CERS3: variants seen among roughly 807,000 people sequenced by gnomAD.
CERS3 encodes the protein LAG1 homolog, ceramide synthase 3.
CERS3 carries 33 observed loss-of-function variants against 50.3 expected under a neutral mutation model. The ratio of observed to expected loss-of-function variants is 0.66; its 90% CI spans 0.50 to 0.88. CERS3 has a LOEUF of 0.88. Among genes scored for constraint, CERS3 ranks in the 40% least tolerant of loss-of-function variants. CERS3 has a pLI of 0.00. For synonymous variants in CERS3, 176 were observed against 155.2 expected, an observed-to-expected ratio of 1.13 and a Z score of -0.99; for missense variants, 470 against 460.3, an observed-to-expected ratio of 1.02 and a Z score of -0.19.
intron 11 of CERS3, among the ~76,000 whole-genome samples, chr15:100,411,154 G>A (rs1221340415): frequency 5.3e-5 from 8 of 151,930 alleles, no homozygotes; most frequent in East Asian, 1.9e-4. Context: ...AATTTCCTTC[G>A]TTTTGTTTTC....
chr15:100,436,451 A>G (rs1324754521), intron 11 of CERS3, among the ~76,000 whole-genome samples: 2 of 152,168 alleles, frequency 1.3e-5, no homozygotes, highest in African/African-American at 2.4e-5. Context: ...GGAGGGGAAC[A>G]TCACACACCG....
At chr15:100,544,026 C>CAGTGG (rs1316041912) in intron 1 of CERS3, 1 of 152,222 alleles carries the variant, frequency 6.6e-6, no homozygotes. Context: ...GGGGTGGTGG[C>CAGTGG]AGTGGAATCA....
intron 1 of CERS3, among the ~76,000 whole-genome samples, chr15:100,543,319 C>CAACCTAACT (rs2037246431): frequency 6.6e-6 from 1 of 152,024 alleles, no homozygotes; most frequent in Non-Finnish European, 1.5e-5. Context: ...CTGCCCAAAC[C>CAACCTAACT]AACCTAACTG....
chr15:100,451,492 A>T (rs2034165908), intron 11 of CERS3, among the ~76,000 whole-genome samples: 1 of 152,214 alleles, frequency 6.6e-6, no homozygotes, highest in Non-Finnish European at 1.5e-5. Flanking sequence ...TCACAAGGTC[A>T]GGAGATTGAG....
upstream of CERS3, among the ~76,000 whole-genome samples, chr15:100,530,005 C>T (rs8027020): frequency 2.6e-5 from 4 of 152,228 alleles, no homozygotes; most frequent in South Asian, 4.1e-4. Flanking sequence ...GATTGATAAA[C>T]GCCCTTCCTT....
intron 11 of CERS3, among the ~76,000 whole-genome samples, chr15:100,444,416 C>T (rs989328634): frequency 3.9e-5 from 6 of 152,096 alleles, no homozygotes; most frequent in African/African-American, 1.4e-4. Flanking sequence ...CTCTGATCCA[C>T]CTGACGTTCA....
At chr15:100,441,005 A>C (rs1453277859) in intron 11 of CERS3, among the ~76,000 whole-genome samples, 3 of 152,278 alleles carry the variant, frequency 2.0e-5, no homozygotes, top group African/African-American at 4.8e-5. Flanking sequence ...TTATTCACCC[A>C]TGTTTCAAAG....
intron 11 of CERS3, among the ~76,000 whole-genome samples, chr15:100,443,083 CCTGA>C (rs1357606983): frequency 6.6e-6 from 1 of 152,004 alleles, no homozygotes; most frequent in East Asian, 1.9e-4. Context: ...TATCTGCTTC[CCTGA>C]CTATTCCTGG....
At chr15:100,504,845 C>G (rs2036130249) in intron 2 of CERS3, among the ~76,000 whole-genome samples, 1 of 152,176 alleles carries the variant, frequency 6.6e-6, no homozygotes, top group African/African-American at 2.4e-5. Context: ...GCTTGGTTGC[C>G]TGAACCATCT....
At chr15:100,520,739 C>T (rs956307595) in intron 2 of CERS3, among the ~76,000 whole-genome samples, 2 of 151,978 alleles carry the variant, frequency 1.3e-5, no homozygotes, top group African/African-American at 4.8e-5. Context: ...GGATGGGAGC[C>T]CCTTCTGCCT....
intron 11 of CERS3, among the ~76,000 whole-genome samples, chr15:100,450,096 G>T (rs976524217): frequency 1.3e-5 from 2 of 151,978 alleles, no homozygotes; most frequent in Admixed American, 6.6e-5. Flanking sequence ...TCATTTGAAT[G>T]AAATACAAAA....
At position 100,469,435 on chromosome 15, in the gene CERS3, A is replaced by G. The variant is rs1205562769; in HGVS notation, c.788T>C (p.Leu263Pro). The G allele has an allele frequency of 1.2e-6, 2 of 1,614,134 alleles. No homozygotes were observed. Among genetic ancestry groups the G allele is most frequent in the Non-Finnish European group, 1.7e-6 (2 of 1,179,966 alleles). The change falls in exon 10 of 12, where the codon CTG (leucine) becomes CCG (proline). Residue 263 changes from leucine to proline, a missense_variant. Physicochemically the swap from Leu to Pro is moderately conservative, Grantham distance 98 (BLOSUM62 -3). Transcript: ENST00000679737. ...AAATATGGTGGAGAAGATGAAAAAC[A>G]GGGTGTTACAGGTCTGCGTCCATCC... is the stretch of plus-strand genomic sequence containing the variant. ...YAGWTQTCNT[L>P]FFIFSTIFFI...
At chr15:100,409,269 C>A (rs1004512036) in intron 11 of CERS3, among the ~76,000 whole-genome samples, 7 of 152,058 alleles carry the variant, frequency 4.6e-5, no homozygotes, top group African/African-American at 1.7e-4. Context: ...ATGATTGTTT[C>A]CTAGGTGAGA....
At chr15:100,465,659 CTT>C (rs574991706) in intron 10 of CERS3, among the ~76,000 whole-genome samples, 30 of 140,774 alleles carry the variant, frequency 2.1e-4, no homozygotes, top group Admixed American at 3.6e-4. Context: ...TTGTTTTGAA[CTT>C]TTTTTTTTTT....
chr15:100,501,354 G>A (rs895058667), intron 3 of CERS3, among the ~76,000 whole-genome samples: 17 of 152,190 alleles, frequency 1.1e-4, no homozygotes, highest in Non-Finnish European at 1.9e-4. Context: ...GTCAGACACC[G>A]TGGAAGAGTA....
chr15:100,456,165 A>C, intron 10 of CERS3, 119 bp from the exon 11 acceptor site: 1 of 606,158 alleles, frequency 1.6e-6, no homozygotes. Flanking sequence ...AATAAAGCCC[A>C]GAAAATTATC....
intron 11 of CERS3, among the ~76,000 whole-genome samples, chr15:100,443,913 T>G (rs1347682191): frequency 6.6e-6 from 1 of 152,232 alleles, no homozygotes; most frequent in East Asian, 1.9e-4. Flanking sequence ...GAAACGTAGC[T>G]GACCCCAAAG....
At chr15:100,458,585 C>A (rs1415895109) in intron 10 of CERS3, among the ~76,000 whole-genome samples, 16 of 127,708 alleles carry the variant, frequency 1.3e-4, no homozygotes, top group African/African-American at 2.1e-4. Flanking sequence ...GACTCCATCT[C>A]AAAAAAAAAA....
At chr15:100,442,866 C>T (rs1002992897) in intron 11 of CERS3, among the ~76,000 whole-genome samples, 7 of 152,152 alleles carry the variant, frequency 4.6e-5, no homozygotes, top group East Asian at 1.9e-4. Context: ...TTAATCAATA[C>T]GGAGGCTACC....
Sources: gnomAD v4.1 joint callset for allele counts (sites outside exome capture counted in the v4.1 genomes callset) on GRCh38, gnomAD v4.1.1 for gene constraint, MANE v1.5 for transcripts, NCBI Gene and HGNC (gene_info 2026-07-23, HGNC 2026-07-21) for gene names.